Variants in PCDHA8 observed in about 807,000 individuals in gnomAD.
The protein encoded by PCDHA8 is protocadherin alpha-8.
Under a neutral mutation model 61.8 loss-of-function variants are expected in PCDHA8, and 53 were observed. The ratio of observed to expected loss-of-function variants is 0.86; its 90% CI spans 0.69 to 1.08. The LOEUF (loss-of-function observed/expected upper bound fraction) is 1.08, where lower values mean the gene tolerates loss of function less well. Among genes scored for constraint, PCDHA8 ranks in the 50% least tolerant of loss-of-function variants. The pLI is 0.00. For synonymous variants in PCDHA8, 618 were observed against 556.6 expected (o/e 1.11, Z -1.55); for missense variants, 1,293 against 1,245.0 (o/e 1.04, Z -0.58).
At chr5:140,870,125 A>G (rs782777018) in intron 1 of PCDHA8, 29 of 1,613,792 alleles carry the variant, frequency 1.8e-5, no homozygotes, top group African/African-American at 2.7e-5. Flanking sequence ...GAAATCTTGG[A>G]CACCAACGAT....
chr5:140,929,324 T>A (rs781810168), intron 1 of PCDHA8: 1 of 1,540,130 alleles, frequency 6.5e-7, no homozygotes, highest in African/African-American at 1.4e-5. Flanking sequence ...GTCAATGCCA[T>A]GGTAAGCAAA....
chr5:140,884,568 C>T (rs2060268107), intron 1 of PCDHA8: 2 of 1,614,210 alleles, frequency 1.2e-6, no homozygotes, highest in Non-Finnish European at 1.7e-6. Flanking sequence ...CCGCATAAGA[C>T]GGACCTCATG....
chr5:140,979,383 T>C (rs2096847136), intron 2 of PCDHA8, among the ~76,000 whole-genome samples: 1 of 152,220 alleles, frequency 6.6e-6, no homozygotes, highest in Admixed American at 6.5e-5. Context: ...CATTGTGCAA[T>C]GTATACATAC....
chr5:140,884,634 G>T (rs1263952131), intron 1 of PCDHA8: 2 of 1,612,298 alleles, frequency 1.2e-6, no homozygotes, highest in Middle Eastern at 1.6e-4. Context: ...ACAGGCCAGA[G>T]GGAGGAGGAC....
Position 141,004,377 on chromosome 5 carries a change from C to T in PCDHA8, c.2543-5250C>T, listed in dbSNP as rs567018582. Among the ~76,000 whole-genome samples the T allele has an allele frequency of 3.9e-5, 6 of 152,294 alleles. No homozygotes were observed. The South Asian group carries it at 6.2e-4, about 16-fold the overall frequency. ...AGAGACCACACCTTGTTCTGCTCTG[C>T]GGAAGCTGGACATGTGGAGGAGGCA... On this transcript the variant is annotated intron_variant, in intron 3 of 3. Coordinates refer to ENST00000531613, the MANE Select transcript of PCDHA8 (RefSeq NM_018911.3).
At chr5:140,954,222 G>A (rs2094999300) in intron 1 of PCDHA8, among the ~76,000 whole-genome samples, 1 of 152,132 alleles carries the variant, frequency 6.6e-6, no homozygotes, top group African/African-American at 2.4e-5. Context: ...TTTTGCTATT[G>A]TGAATAGTGC....
At chr5:140,867,220 A>G (rs782476423) in intron 1 of PCDHA8, 2 of 152,110 alleles carry the variant, frequency 1.3e-5, no homozygotes, top group Non-Finnish European at 2.9e-5. Flanking sequence ...TTCATCCCCA[A>G]TTCCCATAAT....
chr5:140,875,803 G>C (rs370212231), intron 1 of PCDHA8: 17 of 1,614,218 alleles, frequency 1.1e-5, no homozygotes, highest in Non-Finnish European at 1.4e-5. Context: ...GGTGATCGTG[G>C]ACAGGCCGCT....
At chr5:140,942,731 T>C (rs1404765148) in intron 1 of PCDHA8, among the ~76,000 whole-genome samples, 4 of 152,052 alleles carry the variant, frequency 2.6e-5, no homozygotes, top group Non-Finnish European at 5.9e-5. Flanking sequence ...TGTTGAAAAA[T>C]ATTTTAAAAT....
chr5:140,872,923 C>T (rs2053985502), intron 1 of PCDHA8, among the ~76,000 whole-genome samples: 1 of 152,102 alleles, frequency 6.6e-6, no homozygotes, highest in Non-Finnish European at 1.5e-5. Flanking sequence ...TGCCTTATCT[C>T]TAATGTTTTT....
chr5:141,004,869 A>T (rs908726845), intron 3 of PCDHA8, among the ~76,000 whole-genome samples: 3 of 152,218 alleles, frequency 2.0e-5, no homozygotes, highest in Non-Finnish European at 2.9e-5. Flanking sequence ...TTTGTTTCTC[A>T]TCCCTAAAGT....
chr5:140,925,499 T>C (rs2082524680), intron 1 of PCDHA8, among the ~76,000 whole-genome samples: 1 of 152,018 alleles, frequency 6.6e-6, no homozygotes, highest in African/African-American at 2.4e-5. Flanking sequence ...ACTGTCCCAA[T>C]ATCCACGCAA....
At chr5:140,876,972 C>T (rs374149249) in intron 1 of PCDHA8, 13 of 1,612,478 alleles carry the variant, frequency 8.1e-6, no homozygotes, top group Non-Finnish European at 1.1e-5. Context: ...GGCGGGTGGG[C>T]GAGCACGCAC....
chr5:141,002,336 C>A (rs1236741058), intron 3 of PCDHA8, among the ~76,000 whole-genome samples: 3 of 152,084 alleles, frequency 2.0e-5, no homozygotes, highest in Non-Finnish European at 2.9e-5. Flanking sequence ...TGCATCCGCA[C>A]CCCTTCCCCC....
chr5:140,852,890 T>G (rs1315995547), intron 1 of PCDHA8: 3 of 912,634 alleles, frequency 3.3e-6, no homozygotes, highest in East Asian at 2.3e-4. Context: ...AACGTATTTT[T>G]TTTTTTGAGT....
chr5:140,870,775 A>G (rs782661485), intron 1 of PCDHA8: 3 of 1,613,592 alleles, frequency 1.9e-6, no homozygotes, highest in Non-Finnish European at 1.7e-6. Context: ...GCTGGACGAG[A>G]ACGACAACGC....
At chr5:140,924,901 A>AAAAAT (rs10667761) in intron 1 of PCDHA8, among the ~76,000 whole-genome samples, 10,380 of 79,870 alleles carry the variant, frequency 0.13, 426 homozygotes, top group East Asian at 0.37. Context: ...TCTCAAAAAA[A>AAAAAT]AAAATAAAAT....
intron 1 of PCDHA8, among the ~76,000 whole-genome samples, chr5:140,894,750 TTGTG>T (rs2064648260): frequency 6.6e-6 from 1 of 152,080 alleles, no homozygotes; most frequent in Admixed American, 6.5e-5. Context: ...ATTTTTTTTC[TTGTG>T]TGTATTTATT....
intron 1 of PCDHA8, chr5:140,869,287 C>G (rs782369184): frequency 6.2e-7 from 1 of 1,613,538 alleles, no homozygotes; most frequent in South Asian, 1.1e-5. Flanking sequence ...GCTGGTGCAG[C>G]GCCTGTTCCG....
Sources: gnomAD v4.1 joint callset for allele counts (sites outside exome capture counted in the v4.1 genomes callset) on GRCh38, gnomAD v4.1.1 for gene constraint, MANE v1.5 for transcripts, NCBI Gene and HGNC (gene_info 2026-07-23, HGNC 2026-07-21) for gene names.